IGSF10: variants seen among roughly 807,000 people sequenced by gnomAD.
IGSF10 encodes immunoglobulin superfamily member 10.
IGSF10 carries 126 observed loss-of-function variants against 128.2 expected under a neutral mutation model. The ratio of observed to expected loss-of-function variants is 0.98; its 90% confidence interval spans 0.85 to 1.14. The LOEUF (loss-of-function observed/expected upper bound fraction) is 1.14, where lower values mean the gene tolerates loss of function less well. Among genes scored for constraint, IGSF10 ranks in the 50% most tolerant of loss-of-function variants. The probability of loss-of-function intolerance (pLI) is 0.00; values close to 1 mark genes in which losing one functional copy is unlikely to be tolerated. For missense variants in IGSF10, 3,295 were observed against 3,149.8 expected, an observed-to-expected ratio of 1.05 and a Z score of -1.10; for synonymous variants, 1,185 against 1,146.2, an observed-to-expected ratio of 1.03 and a Z score of -0.68.
chr3:151,519,667 A>C, the IGSF10 span, among the ~76,000 whole-genome samples: 1 of 151,808 alleles, frequency 6.6e-6, no homozygotes, highest in African/African-American at 2.4e-5. Flanking sequence ...TTTGAGGTAT[A>C]TAGTGTGAAA....
chr3:151,549,081 A>T, the IGSF10 span, among the ~76,000 whole-genome samples: 1 of 151,950 alleles, frequency 6.6e-6, no homozygotes, highest in African/African-American at 2.4e-5. Flanking sequence ...AGCTGCTTTT[A>T]TCTATTTGTT....
chr3:151,555,011 A>G, the IGSF10 span, among the ~76,000 whole-genome samples: 2 of 152,132 alleles, frequency 1.3e-5, no homozygotes, highest in South Asian at 2.1e-4. Flanking sequence ...GAATTCTGGC[A>G]TAACAAACCC....
At chr3:151,475,575 C>CAA in the IGSF10 span, among the ~76,000 whole-genome samples, 2 of 152,148 alleles carry the variant, frequency 1.3e-5, no homozygotes, top group African/African-American at 4.8e-5. Context: ...AAACTGTGTT[C>CAA]AAGTAAGGCA....
At chr3:151,594,121 A>C in the IGSF10 span, among the ~76,000 whole-genome samples, 23 of 152,118 alleles carry the variant, frequency 1.5e-4, no homozygotes, top group Non-Finnish European at 2.9e-4. Flanking sequence ...TGTGGTCTGT[A>C]CCACACATTT....
At chr3:151,568,642 AT>A in the IGSF10 span, among the ~76,000 whole-genome samples, 1 of 152,306 alleles carries the variant, frequency 6.6e-6, no homozygotes, top group East Asian at 1.9e-4. Flanking sequence ...GTCTTTGAAC[AT>A]CATGGTGGGG....
At chr3:151,557,871 G>T in the IGSF10 span, among the ~76,000 whole-genome samples, 1 of 148,850 alleles carries the variant, frequency 6.7e-6, no homozygotes, top group Non-Finnish European at 1.5e-5. Context: ...TCAGTATATT[G>T]TCTACATTTT....
At position 151,449,062 on chromosome 3, in the gene IGSF10, G is replaced by C. The variant is rs1721380746; in HGVS notation, c.919C>G (p.Gln307Glu). Reference protein sequence around the residue: ...EDSSSAFISPQGFMAPFGSLT... With the variant: ...EDSSSAFISPEGFMAPFGSLT... ...GAGCCAAAGGGTGCCATGAAACCTT[G>C]GGGAGAGATGAAAGCAGAACTACTG... Residue 307 changes from glutamine (Q) to glutamate (E), a missense_variant, in exon 6 of 8, where the codon CAA becomes GAA. Physicochemically the swap from Gln to Glu is conservative, Grantham distance 29. Transcript: ENST00000282466. The C allele has an allele frequency of 1.2e-6, 2 of 1,614,060 alleles. No individual in the cohort carries two copies. Among genetic ancestry groups the C allele is most frequent in the Non-Finnish European group, 8.5e-7 (1 of 1,180,046 alleles).
the IGSF10 span, among the ~76,000 whole-genome samples, chr3:151,563,700 C>T: frequency 0.73 from 110,981 of 151,952 alleles, 40,691 homozygotes; most frequent in African/African-American, 0.79. Context: ...GAATTTGCAG[C>T]GTTTAAAAAA....
chr3:151,480,015 G>A, the IGSF10 span, among the ~76,000 whole-genome samples: 1 of 151,450 alleles, frequency 6.6e-6, no homozygotes, highest in Non-Finnish European at 1.5e-5. Context: ...ATCTATTCAG[G>A]AGTGCATATC....
the IGSF10 span, among the ~76,000 whole-genome samples, chr3:151,598,105 G>GTGTGTA: frequency 6.7e-6 from 1 of 148,906 alleles, no homozygotes; most frequent in Non-Finnish European, 1.5e-5. Context: ...GTGTGTGTGT[G>GTGTGTA]TGTGTGAATA....
chr3:151,592,536 G>C, the IGSF10 span, among the ~76,000 whole-genome samples: 1 of 152,122 alleles, frequency 6.6e-6, no homozygotes, highest in South Asian at 2.1e-4. Flanking sequence ...TTGCAGTCAA[G>C]GGACCCTGAG....
At chr3:151,480,260 G>C in the IGSF10 span, among the ~76,000 whole-genome samples, 51 of 152,166 alleles carry the variant, frequency 3.4e-4, no homozygotes, top group Non-Finnish European at 6.6e-4. Context: ...AATCCAGGAT[G>C]CTGCATGGAG....
upstream of IGSF10, among the ~76,000 whole-genome samples, chr3:151,464,347 T>C (rs1273077244): frequency 6.6e-6 from 1 of 152,208 alleles, no homozygotes; most frequent in Admixed American, 6.5e-5. Context: ...ACAATAAATA[T>C]ACATCTTCTT....
At chr3:151,594,331 CTT>C in the IGSF10 span, among the ~76,000 whole-genome samples, 28 of 121,442 alleles carry the variant, frequency 2.3e-4, no homozygotes, top group East Asian at 4.6e-4. Context: ...ATAAAAACTG[CTT>C]TTTTTTTTTT....
the IGSF10 span, among the ~76,000 whole-genome samples, chr3:151,528,941 C>G: frequency 6.7e-6 from 1 of 148,492 alleles, no homozygotes; most frequent in Middle Eastern, 3.5e-3. Context: ...GCCCAGCAAG[C>G]TAAGATCCAC....
chr3:151,603,891 G>GCATC, the IGSF10 span, among the ~76,000 whole-genome samples: 411 of 152,294 alleles, frequency 2.7e-3, no homozygotes, highest in African/African-American at 9.4e-3. Flanking sequence ...TCCTCCTGGG[G>GCATC]GATGGTCAGC....
chr3:151,499,760 T>C, the IGSF10 span: 5 of 152,130 alleles, frequency 3.3e-5, no homozygotes, highest in African/African-American at 1.2e-4. Flanking sequence ...GGGATTAAAA[T>C]GCACTTTATA....
rs773600481 is a variant in IGSF10 at position 151,436,977 on chromosome 3, G to A, written c.7584C>T (p.Pro2528=). The change falls in exon 8 of 8, where the codon CCC becomes CCT. Residue 2528 remains proline (P), a synonymous_variant. Transcript: ENST00000282466. ...TVPVMIVAYP[P]RITNRPPRSI... is the part of the protein sequence containing the mutation. ...TCCTGGGTGGACGATTTGTAATTCG[G>A]GGAGGGTAGGCTACAATCATTACTG... 2 of 1,614,204 alleles carry A rather than the reference G, an allele frequency of 1.2e-6. No homozygotes were observed. The highest frequency in any genetic ancestry group is 2.2e-5 in the South Asian group (2 of 91,076).
downstream of IGSF10, chr3:151,435,575 A>G (rs768708517): frequency 9.9e-5 from 15 of 152,162 alleles, no homozygotes; most frequent in Non-Finnish European, 1.8e-4. Flanking sequence ...GCACTGAGAT[A>G]TCTAAGACCT....
Sources: gnomAD v4.1 joint callset for allele counts (sites outside exome capture counted in the v4.1 genomes callset) on GRCh38, gnomAD v4.1.1 for gene constraint, MANE v1.5 for transcripts, NCBI Gene and HGNC (gene_info 2026-07-23, HGNC 2026-07-21) for gene names.